Variants in MTG1 observed in about 807,000 individuals in gnomAD.
The protein encoded by MTG1 is mitochondrial ribosome-associated GTPase 1.
In MTG1, 30 loss-of-function variants were observed where a neutral mutation model predicts 39.5. The ratio of observed to expected loss-of-function variants is 0.76; its 90% CI spans 0.57 to 1.03. MTG1 has a LOEUF of 1.03. MTG1 is among the 50% of genes least tolerant of loss of function. The probability of loss-of-function intolerance (pLI) is 0.00; values close to 1 mark genes in which losing one functional copy is unlikely to be tolerated. For synonymous variants in MTG1, 217 were observed against 179.0 expected (o/e 1.21, Z -1.69); for missense variants, 513 against 447.4 (o/e 1.15, Z -1.32).
intron 9 of MTG1, among the ~76,000 whole-genome samples, chr10:133,413,626 A>G (rs1417404688): frequency 6.6e-6 from 1 of 152,038 alleles, no homozygotes; most frequent in Non-Finnish European, 1.5e-5. Flanking sequence ...ATTCTACTGT[A>G]TCTTCTTTGT....
chr10:133,414,669 C>T (rs985131776), intron 9 of MTG1, among the ~76,000 whole-genome samples: 11 of 149,622 alleles, frequency 7.4e-5, no homozygotes, highest in Non-Finnish European at 1.5e-4. Flanking sequence ...AGGGGCTCCT[C>T]ACATCCCAGA....
chr10:133,407,026 G>T (rs1849979029), intron 9 of MTG1, among the ~76,000 whole-genome samples: 1 of 102,906 alleles, frequency 9.7e-6, no homozygotes, highest in Non-Finnish European at 2.4e-5. Context: ...TGGTTATCCA[G>T]TTTAACCAGC....
intron 1 of MTG1, 195 bp downstream of exon 1, chr10:133,394,527 G>A: frequency 7.5e-7 from 1 of 1,342,242 alleles, no homozygotes. Context: ...GCGCAGCTGC[G>A]GGAGAGGCCC....
At position 133,420,473 on chromosome 10, in the gene MTG1, T is replaced by C. The variant is rs1222141558; in HGVS notation, c.*308T>C. The C allele has an allele frequency of 2.1e-5, 7 of 340,878 alleles. No homozygotes were observed. In the Admixed American group the frequency reaches 3.3e-4, roughly 16 times the overall value. The allele number at this position is 340,878 out of a possible 1,614,324, so 21.1% of individuals were successfully genotyped here. On this transcript the variant is annotated 3_prime_UTR_variant, in exon 11 of 11. Coordinates refer to ENST00000317502, the MANE Select transcript of MTG1 (RefSeq NM_138384.4). ...CTCAGAAGGAGTTAAAGCTATAACC[T>C]GTAACCTTTAAAATCTCCAGTTAAA...
chr10:133,407,588 G>A (rs1053121090), intron 9 of MTG1, among the ~76,000 whole-genome samples: 7 of 144,214 alleles, frequency 4.9e-5, no homozygotes, highest in Non-Finnish European at 9.0e-5. Flanking sequence ...TTTTTTTTGA[G>A]ATGGAGTTTC....
At chr10:133,408,322 G>T (rs953937279) in intron 9 of MTG1, among the ~76,000 whole-genome samples, 1 of 151,958 alleles carries the variant, frequency 6.6e-6, no homozygotes, top group Non-Finnish European at 1.5e-5. Context: ...TGAAATGATT[G>T]TTTTTTTTCC....
At chr10:133,417,344 C>T (rs1317799724) in intron 9 of MTG1, among the ~76,000 whole-genome samples, 3 of 151,584 alleles carry the variant, frequency 2.0e-5, no homozygotes, top group Non-Finnish European at 2.9e-5. Flanking sequence ...ATGCTAAAAA[C>T]TCTCAATAAA....
chr10:133,420,407 C>T lies in MTG1; in HGVS notation c.*242C>T. On this transcript the variant is annotated 3_prime_UTR_variant, in exon 11 of 11. Coordinates refer to ENST00000317502, the MANE Select transcript of MTG1 (RefSeq NM_138384.4). ...GAGCAGCTCCGCATGCTTGGTTCTC[C>T]CGGAGCTTCCTGCTCAGGCCTCTTG... 1 of 438,584 alleles carries T rather than the reference C, an allele frequency of 2.3e-6. No homozygotes were observed. The allele number at this position is 438,584 out of a possible 1,614,324, so 27.2% of individuals were successfully genotyped here. A position where few individuals can be genotyped will look rare whatever the true frequency, so the allele number is the denominator to read the frequency against.
intron 10 of MTG1, 37 bp downstream of exon 10, chr10:133,419,629 C>T: frequency 6.5e-7 from 1 of 1,528,032 alleles, no homozygotes; most frequent in Non-Finnish European, 8.9e-7. Context: ...CGGAGCCTCA[C>T]CCCATCACCC....
In MTG1 at chr10:133,399,216, A is replaced by G. The variant is rs758301269; in HGVS notation, c.410A>G (p.His137Arg). Reference protein sequence around the residue: ...TELIGRSHRYHRKENLEYCIM... With the variant: ...TELIGRSHRYRRKENLEYCIM... ...CTGATTGGGAGAAGCCACCGCTACC[A>G]CCGAAAAGAGGTTGGTTGGTGGGGC... is the stretch of plus-strand genomic sequence containing the variant. Residue 137 changes from histidine to arginine, a missense_variant, in exon 5 of 11, where the codon CAC becomes CGC. Physicochemically the swap from His to Arg is conservative, Grantham distance 29. Transcript: ENST00000317502. The G allele has an allele frequency of 4.3e-6, 7 of 1,613,934 alleles. No individual in the cohort carries two copies. In the African/African-American group the frequency reaches 5.3e-5, roughly 12 times the overall value.
At chr10:133,413,196 C>T (rs544202149) in intron 9 of MTG1, among the ~76,000 whole-genome samples, 15 of 152,298 alleles carry the variant, frequency 9.8e-5, no homozygotes, top group African/African-American at 2.6e-4. Flanking sequence ...CTGCAACCTC[C>T]GCCTCCTGGG....
chr10:133,401,161 G>GT (rs1190960734), intron 6 of MTG1, among the ~76,000 whole-genome samples: 1 of 152,212 alleles, frequency 6.6e-6, no homozygotes, highest in African/African-American at 2.4e-5. Context: ...GGGGGACTGC[G>GT]TGGAAGGAGC....
rs553918414 is a variant in MTG1 at position 133,415,670 on chromosome 10, G to A, written c.753-3810G>A. 1.4e-4 allele frequency among the ~76,000 whole-genome samples: 21 copies of A among 152,342 alleles called. No individual in the cohort carries two copies. In the East Asian group the frequency reaches 3.5e-3, roughly 25 times the overall value. On this transcript the variant is annotated intron_variant, in intron 9 of 10. Coordinates refer to ENST00000317502, the MANE Select transcript of MTG1 (RefSeq NM_138384.4). Reference sequence around the variant, plus strand: ...CAGTGCTTTTGAGCAACTTGATTACGATGGACCTTGGTATGGTTTTCTATG... The same window carrying A: ...CAGTGCTTTTGAGCAACTTGATTACAATGGACCTTGGTATGGTTTTCTATG...
At chr10:133,400,802 T>C (rs1274329764) in intron 6 of MTG1, among the ~76,000 whole-genome samples, 1 of 152,258 alleles carries the variant, frequency 6.6e-6, no homozygotes, top group Non-Finnish European at 1.5e-5. Context: ...TGTCTGTGAA[T>C]TCGATGACTG....
chr10:133,402,186 C>T lies in MTG1; in HGVS notation c.611C>T (p.Pro204Leu), dbSNP rs763751944. The T allele has an allele frequency of 3.1e-5, 50 of 1,613,246 alleles. No individual in the cohort carries two copies. Among genetic ancestry groups the T allele is most frequent in the Admixed American group, 1.2e-4 (7 of 59,994 alleles). ...ERPLMFLLDT[P>L]GVLAPRIESV... ...CCCCTGATGTTCCTGTTGGACACTC[C>T]TGGCGTGCTGGCTCCTCGGATTGAA... Residue 204 changes from proline (P) to leucine (L), a missense_variant, in exon 8 of 11, where the codon CCT (proline) becomes CTT (leucine). Transcript: ENST00000317502. The surrounding 1 kb of genome is among the most constrained non-coding windows in gnomAD (Gnocchi z 4.7).
intron 9 of MTG1, among the ~76,000 whole-genome samples, chr10:133,403,371 C>T (rs1223863247): frequency 6.9e-6 from 1 of 144,998 alleles, no homozygotes; most frequent in Non-Finnish European, 1.5e-5. Flanking sequence ...AGTCCCTGCT[C>T]CTCCTTCGTG....
chr10:133,397,883 T>C (rs1248006015), intron 3 of MTG1, among the ~76,000 whole-genome samples: 1 of 151,884 alleles, frequency 6.6e-6, no homozygotes, highest in Non-Finnish European at 1.5e-5. Context: ...TTTTGTAGAC[T>C]GGTGGGTGGC....
rs78860904 is a variant in MTG1 at position 133,418,913 on chromosome 10, C to A, written c.753-567C>A. ...CTGTGAGGAGTCAGAGTGCCCGTTA[C>A]AATCACTGGGTGACGCTTAGCAGCG... On this transcript the variant is annotated intron_variant, in intron 9 of 10. Coordinates refer to ENST00000317502, the MANE Select transcript of MTG1 (RefSeq NM_138384.4). Among the ~76,000 whole-genome samples the A allele has an allele frequency of 1.4e-3, 217 of 152,338 alleles. 1 individual carries two copies. Among genetic ancestry groups the A allele is most frequent in the African/African-American group, 5.1e-3 (213 of 41,580 alleles).
chr10:133,404,129 C>CTTTTTT (rs57165977), intron 9 of MTG1, among the ~76,000 whole-genome samples: 63 of 91,166 alleles, frequency 6.9e-4, no homozygotes, highest in African/African-American at 1.1e-3. Context: ...AAGTTTTAAT[C>CTTTTTT]TTTTTTTTTT....
Sources: gnomAD v4.1 joint callset for allele counts (sites outside exome capture counted in the v4.1 genomes callset) on GRCh38, gnomAD v4.1.1 for gene constraint, Gnocchi (gnomAD v3.1) non-coding constraint, MANE v1.5 for transcripts, NCBI Gene and HGNC (gene_info 2026-07-23, HGNC 2026-07-21) for gene names.